The following AP5B1 variants were observed in gnomAD, a reference collection of about 807,000 sequenced individuals.
AP5B1 encodes adaptor related protein complex 5 subunit beta 1, also known as AP-5 complex subunit beta-1.
Under a neutral mutation model 5.7 loss-of-function variants are expected in AP5B1, and 3 were observed. The observed-to-expected ratio is 0.53, with a 90% CI of 0.24 to 1.36. The LOEUF (loss-of-function observed/expected upper bound fraction) is 1.36. AP5B1 is among the 40% of genes most tolerant of loss of function. AP5B1 has a pLI of 0.17. For synonymous variants in AP5B1, 696 were observed against 555.5 expected (o/e 1.25, Z -3.56); for missense variants, 1,310 against 1,143.2 (o/e 1.15, Z -2.10).
chr11:65,776,851 G>A lies in AP5B1; in HGVS notation c.*1005C>T, dbSNP rs911565405. ...GAGTTGAGAAGCGCTGGCTCGGCCA[G>A]GTGTGGGGGCTCACACCAGTAATCC... is the stretch of plus-strand genomic sequence containing the variant. On this transcript the variant is annotated 3_prime_UTR_variant, in exon 2 of 2. Coordinates refer to ENST00000532090, the MANE Select transcript of AP5B1 (RefSeq NM_138368.5). The A allele has an allele frequency of 6.6e-6, 1 of 152,210 alleles. No homozygotes were observed. The highest frequency in any genetic ancestry group is 1.5e-5 in the Non-Finnish European group (1 of 68,058). 9.4% of individuals were successfully genotyped at this position (152,210 alleles called of 1,614,324 possible). A position where few individuals can be genotyped will look rare whatever the true frequency, so the allele number is the denominator to read the frequency against.
chr11:65,778,365 C>G lies in AP5B1; in HGVS notation c.2128G>C (p.Val710Leu). Residue 710 changes from valine to leucine, a missense_variant, in exon 2 of 2, where the codon GTC becomes CTC. Val to Leu is a conservative substitution (Grantham distance 32). Transcript: ENST00000532090. ...EGQLYAPLEA[V>L]HVPCLCPGRP... ...CCAGGACACAGGCAGGGCACATGGA[C>G]AGCCTCCAGGGGTGCATACAGCTGT... The G allele has an allele frequency of 1.2e-6, 2 of 1,608,864 alleles. No individual in the cohort carries two copies. Among genetic ancestry groups the G allele is most frequent in the Non-Finnish European group, 8.5e-7 (1 of 1,178,366 alleles).
rs1857794663 is a variant in AP5B1 at position 65,778,416 on chromosome 11, G to A, written c.2077C>T (p.Leu693=). The change falls in exon 2 of 2, where the codon CTG becomes TTG. Residue 693 remains leucine (L), a synonymous_variant. Transcript: ENST00000532090. ...CCTTCCACACGGAAGCGCAGCTCCA[G>A]AGAGTAGATGGGCTCCAGCGCCTCC... The part of the protein sequence containing the change: ...QPEALEPIYS[L]ELRFRVEGQL... 6.3e-7 allele frequency: 1 copy of A among 1,586,422 alleles called. No homozygotes were observed.
rs1565224215 is a variant in AP5B1, at chr11:65,776,439, G to A, written c.*1417C>T. On this transcript the variant is annotated 3_prime_UTR_variant, in exon 2 of 2. Transcript: ENST00000532090. ...TTAGGAAAATCACTCAACCGCTCCT[G>A]CCTACGGATTTCCTCATCTGCGGGG... 1 of 152,182 alleles carries A rather than the reference G, an allele frequency of 6.6e-6. No individual in the cohort carries two copies. The allele number at this position is 152,182 out of a possible 1,614,324, so 9.4% of individuals were successfully genotyped here.
Position 65,777,887 on chromosome 11 carries a change from TC to T in AP5B1, c.2605del (p.Asp869ThrfsTer32). On this transcript the variant is annotated frameshift_variant, in exon 2 of 2. Coordinates refer to ENST00000532090, the MANE Select transcript of AP5B1 (RefSeq NM_138368.5). LOFTEE classifies it high-confidence loss of function. ...DDWAVLPLAGDYLRGLAAAV is the reference protein window; with the variant it reads ...DDWAVLPLAGXYLRGLAAAV ...AGCAGCCGCCAGCCCACGGAGGTAG[TC>T]CCCCGCCAGGGGCAGCACGGCCCAG... The T allele has an allele frequency of 6.5e-7, 1 of 1,541,504 alleles. No homozygotes were observed.
chr11:65,779,683 C>T lies in AP5B1; in HGVS notation c.810G>A (p.Ala270=), dbSNP rs753824594. The T allele has an allele frequency of 4.3e-6, 7 of 1,612,252 alleles. No individual in the cohort carries two copies. Among genetic ancestry groups the T allele is most frequent in the Non-Finnish European group, 5.9e-6 (7 of 1,179,642 alleles). The change falls in exon 2 of 2, where the codon GCG becomes GCA. Residue 270 remains alanine (A), a synonymous_variant. Transcript: ENST00000532090. ...AGGAGGTGTCCAGAAGCTGGATCAC[C>T]GCAGCCCGCAGCTCCCGCGCCTCCT... is the stretch of plus-strand genomic sequence containing the variant. ...SPEEARELRA[A]VIQLLDTSYL...
rs561553731 is a variant in AP5B1 at position 65,774,286 on chromosome 11, T to G, written c.*3570A>C. ...TTGTTACAGCGTATCCAGGTGAGAT[T>G]ATGACTCAACTATTTAGCACCTCCA... On this transcript the variant is annotated 3_prime_UTR_variant, in exon 2 of 2. Transcript: ENST00000532090. 1.3e-5 allele frequency among the ~76,000 whole-genome samples: 2 copies of G among 152,248 alleles called. No individual in the cohort carries two copies. Among genetic ancestry groups the G allele is most frequent in the Non-Finnish European group, 2.9e-5 (2 of 68,044 alleles).
In AP5B1 at chr11:65,779,518, G is replaced by A. The variant is rs375427781; in HGVS notation, c.975C>T (p.His325=). The A allele has an allele frequency of 9.3e-6, 15 of 1,605,470 alleles. No homozygotes were observed. The highest frequency in any genetic ancestry group is 2.2e-5 in the South Asian group (2 of 90,388). ...AGGCCGCCTTGAGCGCAAGCATGGC[G>A]TGCAACAGTGTCAGCTGTGCTGTGC... ...LLGTAQLTLL[H]AMLALKAAFG... is the part of the protein sequence containing the mutation. Residue 325 remains histidine, a synonymous_variant, in exon 2 of 2, where the codon CAC becomes CAT. Coordinates refer to ENST00000532090, the MANE Select transcript of AP5B1 (RefSeq NM_138368.5).
At position 65,774,105 on chromosome 11, in the gene AP5B1, G is replaced by A. The variant is rs1427292880; in HGVS notation, c.*3751C>T. 6.6e-6 allele frequency among the ~76,000 whole-genome samples: 1 copy of A among 152,166 alleles called. No homozygotes were observed. Among genetic ancestry groups the A allele is most frequent in the Non-Finnish European group, 1.5e-5 (1 of 68,032 alleles). Reference sequence around the variant, plus strand: ...AGCTGTGTCTAAACCATAAAGGGATGGGGTATAACAAGTTGCATCTGACCT... The same window carrying A: ...AGCTGTGTCTAAACCATAAAGGGATAGGGTATAACAAGTTGCATCTGACCT... On this transcript the variant is annotated 3_prime_UTR_variant, in exon 2 of 2. Coordinates refer to ENST00000532090, the MANE Select transcript of AP5B1 (RefSeq NM_138368.5).
rs764962366 is a variant in AP5B1, at chr11:65,779,420, G to T, written c.1073C>A (p.Pro358His). The T allele has an allele frequency of 5.0e-6, 8 of 1,607,532 alleles. No individual in the cohort carries two copies. Among genetic ancestry groups the T allele is most frequent in the Middle Eastern group, 3.3e-4 (2 of 6,052 alleles). The change falls in exon 2 of 2, where the codon CCT becomes CAT. Residue 358 changes from proline (P) to histidine (H), a missense_variant. Transcript: ENST00000532090. ...GAGATGGGTGGGCGGAGGCAGAGCA[G>T]GGTGCTGGGCAGCCAAGGTGAGCCG... is the stretch of plus-strand genomic sequence containing the variant. ...LRRLTLAAQH[P>H]ALPPPTHLFY...
rs1402512734 is a variant in AP5B1, at chr11:65,776,383, C to G, written c.*1473G>C. 6.6e-6 allele frequency: 1 copy of G among 152,206 alleles called. No individual in the cohort carries two copies. Among genetic ancestry groups the G allele is most frequent in the Non-Finnish European group, 1.5e-5 (1 of 68,048 alleles). 9.4% of individuals were successfully genotyped at this position (152,206 alleles called of 1,614,324 possible). On this transcript the variant is annotated 3_prime_UTR_variant, in exon 2 of 2. Transcript: ENST00000532090. ...GTAATGGAAACCTGCTACCAGATGA[C>G]AAAACACTATTACCAAACAGCTGGG... is the stretch of plus-strand genomic sequence containing the variant.
chr11:65,780,243 G>A lies in AP5B1; in HGVS notation c.250C>T (p.Leu84Phe), dbSNP rs1320402249. Reference protein sequence around the residue: ...AATSLLDTLVLLPPRPSALRR... With the variant: ...AATSLLDTLVFLPPRPSALRR... Reference sequence around the variant, plus strand: ...AGAGCTGAGGGCCGCGGGGGTAGGAGGACCAAGGTGTCCAACAGGGAGGTG... The same window carrying A: ...AGAGCTGAGGGCCGCGGGGGTAGGAAGACCAAGGTGTCCAACAGGGAGGTG... Residue 84 changes from leucine (L) to phenylalanine (F), a missense_variant, in exon 2 of 2, where the codon CTC becomes TTC. Coordinates refer to ENST00000532090, the MANE Select transcript of AP5B1 (RefSeq NM_138368.5). The A allele has an allele frequency of 5.3e-6, 8 of 1,515,576 alleles. No homozygotes were observed. The highest frequency in any genetic ancestry group is 5.1e-5 in the East Asian group (2 of 39,270). The allele number at this position is 1,515,576 out of a possible 1,614,324, so 93.9% of individuals were successfully genotyped here.
rs367739962 is a variant in AP5B1 at position 65,778,248 on chromosome 11, C to T, written c.2245G>A (p.Gly749Ser). The T allele has an allele frequency of 1.4e-5, 22 of 1,613,270 alleles. No homozygotes were observed. Among genetic ancestry groups the T allele is most frequent in the Non-Finnish European group, 1.9e-5 (22 of 1,179,904 alleles). ...GGCAAGTGGGCATGGCACGTGAGAC[C>T]AGTGGATGTGGTGTAAAGGGCATGG... ...DVHALYTTSTGLTCHAHLPPL... is the reference protein window; with the variant it reads ...DVHALYTTSTSLTCHAHLPPL... The change falls in exon 2 of 2, where the codon GGT (glycine) becomes AGT (serine). Residue 749 changes from glycine (G) to serine (S), a missense_variant. By Grantham distance (56) the Gly-to-Ser change is moderately conservative. Coordinates refer to ENST00000532090, the MANE Select transcript of AP5B1 (RefSeq NM_138368.5).
chr11:65,779,197 G>C lies in AP5B1; in HGVS notation c.1296C>G (p.Gly432=). The stretch of plus-strand genomic sequence containing the variant: ...GGTAGTGCCGTGGGCTTGGAAGCTG[G>C]CCTTTCTCCTCTTCTTCCTCCTCGG... ...LCAEEEEEEK[G]QLPSPRHYLE... is the part of the protein sequence containing the mutation. Residue 432 remains glycine (G), a synonymous_variant, in exon 2 of 2, where the codon GGC becomes GGG. Transcript: ENST00000532090. 1 of 1,608,112 alleles carries C rather than the reference G, an allele frequency of 6.2e-7. No individual in the cohort carries two copies. The highest frequency in any genetic ancestry group is 2.2e-5 in the East Asian group (1 of 44,830).
At chr11:65,780,417 G>C (rs769590742) in intron 1 of AP5B1, 25 bp downstream of exon 1, 5 of 1,484,442 alleles carry the variant, frequency 3.4e-6, no homozygotes, top group Middle Eastern at 1.7e-4. Flanking sequence ...CTGCGGAACG[G>C]CGCAGGGGAC....
Position 65,779,869 on chromosome 11 carries a change from C to A in AP5B1, c.624G>T (p.Gly208=). 6.3e-7 allele frequency: 1 copy of A among 1,597,018 alleles called. No homozygotes were observed. The highest frequency in any genetic ancestry group is 8.5e-7 in the Non-Finnish European group (1 of 1,171,290). The change falls in exon 2 of 2, where the codon GGG becomes GGT. Residue 208 remains glycine, a synonymous_variant. Transcript: ENST00000532090. The stretch of plus-strand genomic sequence containing the variant: ...GGGAGACCTTATCCGTGAGCAGTCC[C>A]CCCAGGCCAGCCCCAACCCGGGACT... ...VLQSRVGAGL[G]GLLTDKVSPT...
Position 65,780,560 on chromosome 11 carries a change from TG to T in AP5B1, c.31del (p.Gln11SerfsTer27). 6.7e-7 allele frequency: 1 copy of T among 1,498,504 alleles called. No individual in the cohort carries two copies. The highest frequency in any genetic ancestry group is 8.9e-7 in the Non-Finnish European group (1 of 1,129,544). The allele number at this position is 1,498,504 out of a possible 1,614,324, so 92.8% of individuals were successfully genotyped here. On this transcript the variant is annotated frameshift_variant, in exon 1 of 2. Coordinates refer to ENST00000532090, the MANE Select transcript of AP5B1 (RefSeq NM_138368.5). LOFTEE classifies it high-confidence loss of function. The stretch of plus-strand genomic sequence containing the variant: ...GCTGGCCCGGAAGGCCCCCAAGCGC[TG>T]GGCCCAGGCGTCCCGGCTCAGGGGC... MGPLSRDAWAQRLGAFRASPS... is the reference protein window; with the variant it reads MGPLSRDAWAXRLGAFRASPS...
chr11:65,780,676 G>T lies in AP5B1; in HGVS notation c.-85C>A. On this transcript the variant is annotated 5_prime_UTR_variant, in exon 1 of 2. Transcript: ENST00000532090. Reference sequence around the variant, plus strand: ...GCGCGGGGCCCGCTGCCGACCCCGAGGGGCTGCGGTCACCCCCAGACGCCG... The same window carrying T: ...GCGCGGGGCCCGCTGCCGACCCCGATGGGCTGCGGTCACCCCCAGACGCCG... The T allele has an allele frequency of 7.8e-7, 1 of 1,280,542 alleles. No homozygotes were observed. The highest frequency in any genetic ancestry group is 9.9e-7 in the Non-Finnish European group (1 of 1,009,010). The allele number at this position is 1,280,542 out of a possible 1,614,324, so 79.3% of individuals were successfully genotyped here.
chr11:65,774,911 C>G lies in AP5B1; in HGVS notation c.*2945G>C, dbSNP rs61744381. 6.6e-6 allele frequency among the ~76,000 whole-genome samples: 1 copy of G among 152,136 alleles called. No individual in the cohort carries two copies. Among genetic ancestry groups the G allele is most frequent in the Non-Finnish European group, 1.5e-5 (1 of 68,038 alleles). ...GGCATGCTGCTATTGCCATGATCTT[C>G]GGGAAGCTGAAGTGATGAGCAGCAG... On this transcript the variant is annotated 3_prime_UTR_variant, in exon 2 of 2. Coordinates refer to ENST00000532090, the MANE Select transcript of AP5B1 (RefSeq NM_138368.5).
At position 65,780,287 on chromosome 11, in the gene AP5B1, G is replaced by C; in HGVS notation, c.206C>G (p.Ser69Cys). The change falls in exon 2 of 2, where the codon TCT becomes TGT. Residue 69 changes from serine (S) to cysteine (C), a missense_variant. Physicochemically the swap from Ser to Cys is moderately radical, Grantham distance 112. Transcript: ENST00000532090. ...EYPAQLWPDA[S>C]AAEVAATSLL... Reference sequence around the variant, plus strand: ...GGAGGTGGCGGCCACTTCGGCCGCAGAGGCGTCGGGCCACAGCTGCGCAGG... The same window carrying C: ...GGAGGTGGCGGCCACTTCGGCCGCACAGGCGTCGGGCCACAGCTGCGCAGG... 1 of 1,501,274 alleles carries C rather than the reference G, an allele frequency of 6.7e-7. No individual in the cohort carries two copies. The highest frequency in any genetic ancestry group is 8.8e-7 in the Non-Finnish European group (1 of 1,131,126). The allele number at this position is 1,501,274 out of a possible 1,614,324, so 93.0% of individuals were successfully genotyped here.
Sources: gnomAD v4.1 joint callset for allele counts (sites outside exome capture counted in the v4.1 genomes callset) on GRCh38, gnomAD v4.1.1 for gene constraint, MANE v1.5 for transcripts, NCBI Gene and HGNC (gene_info 2026-07-23, HGNC 2026-07-21) for gene names.